The following FARS2 variants were observed in gnomAD, a reference collection of about 807,000 sequenced individuals.
FARS2 encodes phenylalanyl-tRNA synthetase 2, mitochondrial.
A neutral mutation model predicts 46.4 loss-of-function variants in FARS2; 40 were observed. The ratio of observed to expected loss-of-function variants is 0.86; its 90% CI spans 0.67 to 1.12. FARS2 has a LOEUF of 1.12. FARS2 is among the 50% of genes most tolerant of loss of function. The pLI, the probability that FARS2 is intolerant of heterozygous loss-of-function variation, is 0.00. For synonymous variants in FARS2, 234 were observed against 214.9 expected, an observed-to-expected ratio of 1.09 and a Z score of -0.78; for missense variants, 513 against 567.9, an observed-to-expected ratio of 0.90 and a Z score of 0.98.
intron 1 of FARS2, among the ~76,000 whole-genome samples, chr6:5,316,076 G>A (rs1769497397): frequency 1.3e-5 from 2 of 152,216 alleles, no homozygotes; most frequent in Non-Finnish European, 2.9e-5. Flanking sequence ...CCATCTGCAT[G>A]TTGGCTGACA....
chr6:5,403,526 T>A (rs899851899), intron 2 of FARS2, among the ~76,000 whole-genome samples: 2 of 152,194 alleles, frequency 1.3e-5, no homozygotes, highest in East Asian at 1.9e-4. Context: ...TTTTATTTTT[T>A]AATTTTTTAC....
chr6:5,287,315 G>C (rs187712364), intron 1 of FARS2, among the ~76,000 whole-genome samples: 1 of 152,290 alleles, frequency 6.6e-6, no homozygotes, highest in Non-Finnish European at 1.5e-5. Flanking sequence ...TGCTAGTGGG[G>C]AAGAGAGAAG....
chr6:5,586,808 A>G (rs529300008), intron 5 of FARS2, among the ~76,000 whole-genome samples: 2 of 152,032 alleles, frequency 1.3e-5, no homozygotes, highest in African/African-American at 4.8e-5. Context: ...TTTGGTAGCT[A>G]TGTTTCTGTT....
chr6:5,476,414 G>A (rs1766125853), intron 4 of FARS2, among the ~76,000 whole-genome samples: 1 of 152,126 alleles, frequency 6.6e-6, no homozygotes, highest in African/African-American at 2.4e-5. Flanking sequence ...TTTATTGCCT[G>A]TCTTCCTTAC....
chr6:5,614,534 T>C (rs747222107), intron 6 of FARS2, among the ~76,000 whole-genome samples: 5 of 151,920 alleles, frequency 3.3e-5, no homozygotes, highest in Admixed American at 1.3e-4. Context: ...CTCAGCCTCC[T>C]GAGTAGCTGG....
intron 6 of FARS2, among the ~76,000 whole-genome samples, chr6:5,736,989 T>C (rs1237773656): frequency 6.6e-6 from 1 of 152,184 alleles, no homozygotes; most frequent in African/African-American, 2.4e-5. Flanking sequence ...GCAGATTATT[T>C]TGGATGAAAA....
At chr6:5,286,278 T>C (rs1199790621) in intron 1 of FARS2, among the ~76,000 whole-genome samples, 9 of 152,172 alleles carry the variant, frequency 5.9e-5, no homozygotes, top group African/African-American at 1.9e-4. Context: ...TTACTTTTTT[T>C]TGGAGACAGA....
intron 1 of FARS2, among the ~76,000 whole-genome samples, chr6:5,317,331 C>T (rs1452269185): frequency 1.3e-5 from 2 of 152,220 alleles, no homozygotes; most frequent in African/African-American, 2.4e-5. Context: ...GGGCAGCCCA[C>T]AGGCCCAGAC....
At chr6:5,728,301 A>T (rs1760397724) in intron 6 of FARS2, among the ~76,000 whole-genome samples, 2 of 151,982 alleles carry the variant, frequency 1.3e-5, no homozygotes, top group South Asian at 4.1e-4. Context: ...TGTGCTTAGA[A>T]GGGTCTTGAG....
intron 5 of FARS2, among the ~76,000 whole-genome samples, chr6:5,595,392 C>T (rs907489994): frequency 1.3e-5 from 2 of 152,156 alleles, no homozygotes; most frequent in Non-Finnish European, 2.9e-5. Context: ...TCGCTTCTGT[C>T]GGCATTCTCT....
In FARS2 at chr6:5,771,526, T is replaced by C; in HGVS notation, c.*97T>C. On this transcript the variant is annotated 3_prime_UTR_variant, in exon 7 of 7. Transcript: ENST00000274680. ...TGTGAACTGGGGCATCAATCATCTT[T>C]TGATAAATGGATCAGTTTTAGGACT... is the stretch of plus-strand genomic sequence containing the variant. 5 of 1,288,222 alleles carry C rather than the reference T, an allele frequency of 3.9e-6. No homozygotes were observed. Among genetic ancestry groups the C allele is most frequent in the Non-Finnish European group, 5.4e-6 (5 of 929,198 alleles). 79.8% of individuals were successfully genotyped at this position (1,288,222 alleles called of 1,614,324 possible).
chr6:5,331,687 G>A (rs1460891945), intron 1 of FARS2, among the ~76,000 whole-genome samples: 1 of 152,160 alleles, frequency 6.6e-6, no homozygotes, highest in Non-Finnish European at 1.5e-5. Flanking sequence ...AAGGCAGAGC[G>A]AGGTCAACAC....
chr6:5,587,157 T>G (rs1172437113), intron 5 of FARS2, among the ~76,000 whole-genome samples: 1 of 152,210 alleles, frequency 6.6e-6, no homozygotes, highest in African/African-American at 2.4e-5. Context: ...TTGGGCCTAA[T>G]TTTCTTCATC....
At chr6:5,338,544 C>G (rs1348847557) in intron 1 of FARS2, among the ~76,000 whole-genome samples, 1 of 152,166 alleles carries the variant, frequency 6.6e-6, no homozygotes, top group African/African-American at 2.4e-5. Flanking sequence ...CATGCTCTTT[C>G]CTCTGCTCTA....
At chr6:5,313,025 GAGA>G (rs1289669893) in intron 1 of FARS2, among the ~76,000 whole-genome samples, 1 of 152,182 alleles carries the variant, frequency 6.6e-6, no homozygotes, top group Non-Finnish European at 1.5e-5. Context: ...GTGGGAGAGG[GAGA>G]AGGAGAGGGA....
chr6:5,452,575 G>A (rs1297546993), intron 4 of FARS2: 1 of 152,270 alleles, frequency 6.6e-6, no homozygotes, highest in Non-Finnish European at 1.5e-5. Context: ...AAGAGGTCGG[G>A]TCTGTTTATT....
rs373649709 is a variant in FARS2, at chr6:5,567,019, C to T, written c.1065+21679C>T. On this transcript the variant is annotated intron_variant, in intron 5 of 6. Coordinates refer to ENST00000274680, the MANE Select transcript of FARS2 (RefSeq NM_006567.5). Reference sequence around the variant, plus strand: ...AAAGCTGTCCTTGCCCATGTCTGGGCGTAGGCCGAACCAACTTTGGGAAGA... The same window carrying T: ...AAAGCTGTCCTTGCCCATGTCTGGGTGTAGGCCGAACCAACTTTGGGAAGA... Among the ~76,000 whole-genome samples the T allele has an allele frequency of 8.5e-5, 13 of 152,350 alleles. 1 individual carries two copies. Among genetic ancestry groups the T allele is most frequent in the African/African-American group, 2.4e-4 (10 of 41,586 alleles).
chr6:5,524,263 G>T (rs1416147316), intron 4 of FARS2, among the ~76,000 whole-genome samples: 2 of 152,308 alleles, frequency 1.3e-5, no homozygotes, highest in Admixed American at 1.3e-4. Context: ...GATGTGTGCT[G>T]GGTTTCAAGG....
At chr6:5,274,850 A>G (rs1025804385) in intron 1 of FARS2, among the ~76,000 whole-genome samples, 1 of 152,150 alleles carries the variant, frequency 6.6e-6, no homozygotes, top group African/African-American at 2.4e-5. Context: ...AGCTGGGACT[A>G]CAGGTGCATG....
Sources: allele counts gnomAD v4.1 joint callset (sites outside exome capture counted in the v4.1 genomes callset), GRCh38; gene constraint gnomAD v4.1.1; transcripts MANE v1.5; gene names NCBI Gene and HGNC (gene_info 2026-07-23, HGNC 2026-07-21).